HIF1A: variants seen among roughly 807,000 people sequenced by gnomAD.
HIF1A encodes the protein hypoxia inducible factor 1 subunit alpha, also known as hypoxia-inducible factor 1-alpha.
Under a neutral mutation model 92.7 loss-of-function variants are expected in HIF1A, and 24 were observed. The observed-to-expected ratio is 0.26, with a 90% CI of 0.19 to 0.36. HIF1A has a LOEUF of 0.36. Ranked by LOEUF, HIF1A falls within the 10% of genes least tolerant of loss-of-function variation. The pLI is 1.00. For synonymous variants in HIF1A, 319 were observed against 338.7 expected, an observed-to-expected ratio of 0.94 and a Z score of 0.64; for missense variants, 799 against 998.5, an observed-to-expected ratio of 0.80 and a Z score of 2.69.
intron 1 of HIF1A, among the ~76,000 whole-genome samples, chr14:61,710,180 A>G (rs1489724672): frequency 6.6e-6 from 1 of 152,194 alleles, no homozygotes; most frequent in South Asian, 2.1e-4. Flanking sequence ...AGTATAAGCA[A>G]AGATTAATTT....
At chr14:61,724,049 T>C (rs531175000) in intron 4 of HIF1A, among the ~76,000 whole-genome samples, 1 of 150,840 alleles carries the variant, frequency 6.6e-6, no homozygotes, top group African/African-American at 2.5e-5. Context: ...AATTTATAAA[T>C]TATACAAAAT....
chr14:61,723,770 G>A (rs2044462905), intron 4 of HIF1A, among the ~76,000 whole-genome samples: 1 of 152,152 alleles, frequency 6.6e-6, no homozygotes, highest in East Asian at 1.9e-4. Flanking sequence ...TGATGTTAAT[G>A]CATTATTCTA....
intron 1 of HIF1A, among the ~76,000 whole-genome samples, chr14:61,707,792 C>T (rs1660116881): frequency 6.6e-6 from 1 of 151,036 alleles, no homozygotes; most frequent in African/African-American, 2.4e-5. Flanking sequence ...TTTATAGCAG[C>T]ATGATTTATA....
chr14:61,723,102 T>C (rs1404648289), intron 4 of HIF1A, among the ~76,000 whole-genome samples: 4 of 152,212 alleles, frequency 2.6e-5, no homozygotes, highest in African/African-American at 7.2e-5. Context: ...TCTTTGTTGC[T>C]CTCCAATTTA....
intron 4 of HIF1A, 99 bp downstream of exon 4, chr14:61,721,922 C>A (rs1415683420): frequency 2.7e-6 from 2 of 739,444 alleles, no homozygotes; most frequent in African/African-American, 1.8e-5. Context: ...TTACCCAAGG[C>A]AAAATGTTAT....
chr14:61,747,082 C>T lies in HIF1A; in HGVS notation c.2478C>T (p.Asn826=). ...TACTCAGAGCTTTGGATCAAGTTAA[C>T]TGAGCTTTTTCTTAATTTCATTCCT... ...EELLRALDQV[N] is the part of the protein sequence containing the mutation. The change falls in exon 15 of 15, where the codon AAC becomes AAT. Residue 826 remains asparagine, a synonymous_variant. Coordinates refer to ENST00000337138, the MANE Select transcript of HIF1A (RefSeq NM_001530.4). 1 of 1,602,642 alleles carries T rather than the reference C, an allele frequency of 6.2e-7. No individual in the cohort carries two copies. The highest frequency in any genetic ancestry group is 1.1e-5 in the South Asian group (1 of 88,738).
chr14:61,729,509 G>T (rs945700732), intron 6 of HIF1A, among the ~76,000 whole-genome samples: 14 of 151,404 alleles, frequency 9.2e-5, no homozygotes, highest in African/African-American at 2.7e-4. Context: ...GATGTTGTCA[G>T]GATTAAAGGA....
chr14:61,711,614 A>G (rs1050298832), intron 1 of HIF1A, among the ~76,000 whole-genome samples: 3 of 152,092 alleles, frequency 2.0e-5, no homozygotes, highest in Non-Finnish European at 2.9e-5. Flanking sequence ...TCATTGTTAT[A>G]CTGGTGGGTG....
At chr14:61,707,550 C>G (rs1237033291) in intron 1 of HIF1A, among the ~76,000 whole-genome samples, 5 of 151,692 alleles carry the variant, frequency 3.3e-5, no homozygotes, top group Admixed American at 6.6e-5. Context: ...AGTGAGAACA[C>G]GCGGTGTTTG....
Position 61,704,578 on chromosome 14 carries a change from C to T in HIF1A, c.35+8739C>T, listed in dbSNP as rs1269916333. On this transcript the variant is annotated intron_variant, in intron 1 of 14. Transcript: ENST00000337138. ...CAGAGGAAAGTTGGATATTGCCTGC[C>T]TTTGTAGCTAACATAGTTAAAATAT... 2.6e-5 allele frequency among the ~76,000 whole-genome samples: 4 copies of T among 152,108 alleles called. No individual in the cohort carries two copies. In the East Asian group the frequency reaches 7.7e-4, roughly 29 times the overall value.
Position 61,726,778 on chromosome 14 carries a change from G to A in HIF1A, c.530G>A (p.Ser177Asn). 1 of 1,608,756 alleles carries A rather than the reference G, an allele frequency of 6.2e-7. No homozygotes were observed. The highest frequency in any genetic ancestry group is 8.5e-7 in the Non-Finnish European group (1 of 1,177,600). The change falls in exon 5 of 15, where the codon AGC (serine) becomes AAC (asparagine). Residue 177 changes from serine (S) to asparagine (N), a missense_variant. Transcript: ENST00000337138. ...CTCAGAATGAAGTGTACCCTAACTA[G>A]CCGAGGAAGAACTATGAACATAAAG... ...FFLRMKCTLT[S>N]RGRTMNIKSA...
intron 14 of HIF1A, 62 bp from the exon 15 acceptor site, chr14:61,746,872 G>A: frequency 7.7e-7 from 1 of 1,301,564 alleles, no homozygotes; most frequent in Non-Finnish European, 1.1e-6. Flanking sequence ...CACATTGTGG[G>A]TGTTTAATAA....
At chr14:61,743,490 A>G (rs1594888928) in intron 12 of HIF1A, among the ~76,000 whole-genome samples, 2 of 152,106 alleles carry the variant, frequency 1.3e-5, no homozygotes, top group Non-Finnish European at 2.9e-5. Context: ...TACTACTACA[A>G]TGATATTTAC....
chr14:61,727,878 A>C (rs1215117743), intron 6 of HIF1A, among the ~76,000 whole-genome samples: 1 of 152,032 alleles, frequency 6.6e-6, no homozygotes, highest in African/African-American at 2.4e-5. Flanking sequence ...AAAAAATACA[A>C]AAATTAGTGG....
At chr14:61,736,382 T>TATACA (rs2044638171) in intron 8 of HIF1A, among the ~76,000 whole-genome samples, 3 of 152,150 alleles carry the variant, frequency 2.0e-5, no homozygotes, top group African/African-American at 7.2e-5. Context: ...ATGCATAGGT[T>TATACA]TGTTACATGG....
chr14:61,702,273 C>CAAAAAAAAAAAAAA (rs34312928), intron 1 of HIF1A, among the ~76,000 whole-genome samples: 1 of 101,966 alleles, frequency 9.8e-6, no homozygotes, highest in Non-Finnish European at 1.9e-5. Flanking sequence ...ACTAAAAATA[C>CAAAAAAAAAAAAAA]AAAAAAAAAA....
At chr14:61,729,332 C>T (rs1255150322) in intron 6 of HIF1A, among the ~76,000 whole-genome samples, 1 of 151,934 alleles carries the variant, frequency 6.6e-6, no homozygotes, top group African/African-American at 2.4e-5. Context: ...TATGGGGGCA[C>T]ATGTCCGTAA....
In HIF1A at chr14:61,741,033, C is replaced by A. The variant is rs774872613; in HGVS notation, c.1938C>A (p.His646Gln). 1.2e-6 allele frequency: 2 copies of A among 1,614,112 alleles called. No individual in the cohort carries two copies. The highest frequency in any genetic ancestry group is 1.7e-5 in the Admixed American group (1 of 60,030). The stretch of plus-strand genomic sequence containing the variant: ...TGATTGCATCTCCATCTCCTACCCA[C>A]ATACATAAAGAAACTACTAGTGCCA... ...KILIASPSPT[H>Q]IHKETTSATS... Residue 646 changes from histidine to glutamine, a missense_variant, in exon 12 of 15, where the codon CAC becomes CAA. His to Gln is a conservative substitution (Grantham distance 24). Around this residue, in one of 2 missense-constraint regions of HIF1A, gnomAD observed 283 missense variants for 277.5 expected, o/e 1.02. Coordinates refer to ENST00000337138, the MANE Select transcript of HIF1A (RefSeq NM_001530.4).
chr14:61,695,732 A>ATCTC lies in HIF1A; in HGVS notation c.-73_-72insTCTC. On this transcript the variant is annotated 5_prime_UTR_variant, in exon 1 of 15. Transcript: ENST00000337138. ...CTTTCCTTCTCTTCTCCGCGTGTGG[A>ATCTC]GGGAGCCAGCGCTTAGGCCGGAGCG... is the stretch of plus-strand genomic sequence containing the variant. 1 of 1,497,996 alleles carries ATCTC rather than the reference A, an allele frequency of 6.7e-7. No individual in the cohort carries two copies. The highest frequency in any genetic ancestry group is 2.0e-5 in the Admixed American group (1 of 50,024). The allele number at this position is 1,497,996 out of a possible 1,614,324, so 92.8% of individuals were successfully genotyped here. A position where few individuals can be genotyped will look rare whatever the true frequency, so the allele number is the denominator to read the frequency against.
Sources: gnomAD v4.1 joint callset for allele counts (sites outside exome capture counted in the v4.1 genomes callset) on GRCh38, gnomAD v4.1.1 for gene constraint, gnomAD v4.1.1 regional missense constraint, MANE v1.5 for transcripts, NCBI Gene and HGNC (gene_info 2026-07-23, HGNC 2026-07-21) for gene names.